GPHN: variants seen among roughly 807,000 people sequenced by gnomAD.
The protein encoded by GPHN is gephyrin.
GPHN carries 17 observed loss-of-function variants against 95.5 expected under a neutral mutation model. The observed-to-expected ratio is 0.18, with a 90% CI of 0.12 to 0.27. GPHN has a LOEUF of 0.27. Among genes scored for constraint, GPHN ranks in the 10% least tolerant of loss-of-function variants. The pLI is 1.00. For synonymous variants in GPHN, 320 were observed against 322.5 expected (o/e 0.99, Z 0.08); for missense variants, 660 against 978.1 (o/e 0.67, Z 4.34).
intron 9 of GPHN, among the ~76,000 whole-genome samples, chr14:67,010,423 G>A (rs926425276): frequency 1.3e-5 from 2 of 151,654 alleles, no homozygotes; most frequent in Middle Eastern, 6.8e-3. Flanking sequence ...GTGGTGGCGG[G>A]CACCTGCAGT....
chr14:67,416,430 C>T, the GPHN span, among the ~76,000 whole-genome samples: 6 of 152,230 alleles, frequency 3.9e-5, no homozygotes, highest in Non-Finnish European at 7.4e-5. Context: ...AAAAGGAGGG[C>T]GTGTGGGGTC....
the GPHN span, among the ~76,000 whole-genome samples, chr14:67,558,542 C>G: frequency 6.6e-6 from 1 of 152,150 alleles, no homozygotes; most frequent in Non-Finnish European, 1.5e-5. Context: ...GTGGCAGCAT[C>G]TTGGGGGTTG....
chr14:66,895,666 G>T (rs1009380875), intron 5 of GPHN, among the ~76,000 whole-genome samples: 1 of 152,100 alleles, frequency 6.6e-6, no homozygotes, highest in African/African-American at 2.4e-5. Context: ...ACTCAGCAAA[G>T]TTACCATTCA....
chr14:67,207,668 A>G, the GPHN span, among the ~76,000 whole-genome samples: 1 of 152,330 alleles, frequency 6.6e-6, no homozygotes, highest in Middle Eastern at 3.4e-3. Context: ...AGTGATTCTG[A>G]GCGAATCAGA....
At chr14:67,427,157 G>A in the GPHN span, among the ~76,000 whole-genome samples, 1 of 152,282 alleles carries the variant, frequency 6.6e-6, no homozygotes, top group South Asian at 2.1e-4. Context: ...TGATGACTAT[G>A]GGGATGTGGG....
At chr14:67,033,765 A>G (rs1369642948) in intron 10 of GPHN, among the ~76,000 whole-genome samples, 1 of 152,196 alleles carries the variant, frequency 6.6e-6, no homozygotes, top group African/African-American at 2.4e-5. Flanking sequence ...AAAGAGGCCC[A>G]CACTAAGACA....
At chr14:67,577,204 C>A in the GPHN span, 1 of 791,128 alleles carries the variant, frequency 1.3e-6, no homozygotes, top group Non-Finnish European at 2.1e-6. Context: ...GGAAGATAAA[C>A]CACTATCTTC....
intron 1 of GPHN, among the ~76,000 whole-genome samples, chr14:66,676,952 G>A (rs556761090): frequency 3.4e-4 from 51 of 151,804 alleles, no homozygotes; most frequent in Non-Finnish European, 6.9e-4. Flanking sequence ...TTTATTGCCA[G>A]TTTAATCTCG....
intron 1 of GPHN, among the ~76,000 whole-genome samples, chr14:66,662,044 A>G (rs2065689381): frequency 6.6e-6 from 1 of 152,186 alleles, no homozygotes; most frequent in Admixed American, 6.5e-5. Context: ...TCCTAGAGGG[A>G]GGAGTGGGCT....
At chr14:67,727,220 A>T in the GPHN span, 1 of 1,582,506 alleles carries the variant, frequency 6.3e-7, no homozygotes, top group East Asian at 2.3e-5. Flanking sequence ...AATAGCAAAA[A>T]TGGTCCTCAG....
Position 66,778,706 on chromosome 14 carries a change from A to G in GPHN, c.201+2185A>G, listed in dbSNP as rs144424801. Among the ~76,000 whole-genome samples, 150 of 131,572 alleles carry G rather than the reference A, an allele frequency of 1.1e-3. 1 individual carries two copies. The East Asian group carries it at 0.03, about 26-fold the overall frequency. The allele number at this position is 131,572 out of a possible 152,430, so 86.3% of individuals were successfully genotyped here. On this transcript the variant is annotated intron_variant, in intron 3 of 22. Transcript: ENST00000478722. ...CAATTCAAAATAATTATTTAATTCT[A>G]TGACTCAAGACTCAAGGGGCTTTTT...
chr14:66,771,352 C>T lies in GPHN; in HGVS notation c.144-5112C>T, dbSNP rs141469774. On this transcript the variant is annotated intron_variant, in intron 2 of 22. Coordinates refer to ENST00000478722, the MANE Select transcript of GPHN (RefSeq NM_020806.5). ...ATACCTTTAATTTTCATGTCCTTCT[C>T]GTCATATTGTCTTTTCTTGGGTGAA... Among the ~76,000 whole-genome samples the T allele has an allele frequency of 5.6e-4, 86 of 152,222 alleles. No individual in the cohort carries two copies. The East Asian group carries it at 0.013, about 24-fold the overall frequency.
intron 1 of GPHN, among the ~76,000 whole-genome samples, chr14:66,513,250 A>C (rs1432275856): frequency 6.6e-6 from 1 of 151,838 alleles, no homozygotes; most frequent in East Asian, 1.9e-4. Flanking sequence ...TTGACTTCAA[A>C]GTGAATATAC....
At chr14:66,752,402 T>C (rs2058400021) in intron 2 of GPHN, among the ~76,000 whole-genome samples, 1 of 152,160 alleles carries the variant, frequency 6.6e-6, no homozygotes, top group Non-Finnish European at 1.5e-5. Context: ...GTGAGAGATA[T>C]GTGACTCTTC....
intron 1 of GPHN, among the ~76,000 whole-genome samples, chr14:66,569,532 G>T (rs1159737114): frequency 1.3e-5 from 2 of 151,960 alleles, no homozygotes; most frequent in Non-Finnish European, 2.9e-5. Flanking sequence ...GCATGGTGGG[G>T]GGCCCCTGTA....
intron 17 of GPHN, among the ~76,000 whole-genome samples, chr14:67,129,735 T>C (rs1025508482): frequency 6.7e-6 from 1 of 148,286 alleles, no homozygotes; most frequent in African/African-American, 2.5e-5. Context: ...CAATAGATGA[T>C]AGGTTGGCAG....
intron 1 of GPHN, among the ~76,000 whole-genome samples, chr14:66,593,420 AGGG>A (rs764894181): frequency 2.5e-4 from 38 of 152,188 alleles, no homozygotes; most frequent in Non-Finnish European, 5.6e-4. Context: ...TTATGGCAGA[AGGG>A]GAAGCAGGCA....
In GPHN at chr14:66,966,978, C is replaced by T. The variant is rs181747496; in HGVS notation, c.963+1653C>T. ...TCTGAAAAATAATAATGTTAATATT[C>T]GTCAAATTAATTTGCTTATTGCAGA... is the stretch of plus-strand genomic sequence containing the variant. On this transcript the variant is annotated intron_variant, in intron 9 of 22. Coordinates refer to ENST00000478722, the MANE Select transcript of GPHN (RefSeq NM_020806.5). Among the ~76,000 whole-genome samples the T allele has an allele frequency of 3.3e-3, 504 of 151,932 alleles. 1 individual carries two copies. Among genetic ancestry groups the T allele is most frequent in the Non-Finnish European group, 5.8e-3 (390 of 67,792 alleles).
At chr14:67,643,411 C>T in the GPHN span, among the ~76,000 whole-genome samples, 4 of 152,214 alleles carry the variant, frequency 2.6e-5, no homozygotes, top group Non-Finnish European at 5.9e-5. Flanking sequence ...GAAGAAGGCA[C>T]TGAAGTACTA....
Sources: gnomAD v4.1 joint callset for allele counts (sites outside exome capture counted in the v4.1 genomes callset) on GRCh38, gnomAD v4.1.1 for gene constraint, MANE v1.5 for transcripts, NCBI Gene and HGNC (gene_info 2026-07-23, HGNC 2026-07-21) for gene names.